Variants in GCNT2 observed in about 807,000 individuals in gnomAD.
The protein encoded by GCNT2 is N-acetyllactosaminide beta-1,6-N-acetylglucosaminyl-transferase.
In GCNT2, 34 loss-of-function variants were observed where a neutral mutation model predicts 34.2. The observed-to-expected ratio is 1.00, with a 90% CI of 0.76 to 1.32. The LOEUF (loss-of-function observed/expected upper bound fraction) is 1.32. Among genes scored for constraint, GCNT2 ranks in the 40% most tolerant of loss-of-function variants. The pLI is 0.00. For missense variants in GCNT2, 584 were observed against 489.4 expected, an observed-to-expected ratio of 1.19 and a Z score of -1.82; for synonymous variants, 212 against 188.0, an observed-to-expected ratio of 1.13 and a Z score of -1.04.
At chr6:10,555,276 A>C (rs959938959) in intron 3 of GCNT2, among the ~76,000 whole-genome samples, 2 of 152,206 alleles carry the variant, frequency 1.3e-5, no homozygotes, top group Admixed American at 1.3e-4. Context: ...TTCATTAAAA[A>C]TTAGTTGGTG....
rs1346507046 is a variant in GCNT2 at position 10,561,010 on chromosome 6, G to T, written c.925+31174G>T. 2.0e-5 allele frequency among the ~76,000 whole-genome samples: 3 copies of T among 152,182 alleles called. No individual in the cohort carries two copies. The East Asian group carries it at 5.8e-4, about 29-fold the overall frequency. ...AGGACCACAGATTTCTCTGACCCAC[G>T]TTACAGAGCATCAGGCTGTGACAGC... On this transcript the variant is annotated intron_variant, in intron 3 of 4. Coordinates refer to ENST00000495262, the MANE Select transcript of GCNT2 (RefSeq NM_145649.5).
At chr6:10,556,916 C>G (rs1762740433) in intron 3 of GCNT2, 6 of 1,614,162 alleles carry the variant, frequency 3.7e-6, no homozygotes, top group Non-Finnish European at 5.1e-6. Flanking sequence ...GATCTCCAGG[C>G]TCCAGGCTGA....
chr6:10,623,044 C>A (rs1165624140), intron 4 of GCNT2, among the ~76,000 whole-genome samples: 2 of 151,944 alleles, frequency 1.3e-5, no homozygotes, highest in African/African-American at 4.8e-5. Flanking sequence ...TGAGCTACTG[C>A]GCCCGGCCCC....
intron 3 of GCNT2, among the ~76,000 whole-genome samples, chr6:10,566,139 C>T (rs1763273553): frequency 1.3e-5 from 2 of 152,126 alleles, no homozygotes; most frequent in South Asian, 4.2e-4. Flanking sequence ...CCGGGAGGCT[C>T]CCGGATGCTC....
At chr6:10,617,750 CTTTTTT>C (rs3064178) in intron 3 of GCNT2, among the ~76,000 whole-genome samples, 9 of 101,688 alleles carry the variant, frequency 8.9e-5, no homozygotes, top group Non-Finnish European at 1.3e-4. Context: ...TGCATTTCTT[CTTTTTT>C]TTTTTTTTTT....
At chr6:10,582,320 TAAATATAATATATACTATA>T (rs1561816387) in intron 3 of GCNT2, among the ~76,000 whole-genome samples, 12 of 107,298 alleles carry the variant, frequency 1.1e-4, no homozygotes, top group African/African-American at 4.1e-4. Context: ...ATAGTAATAT[TAAATATAATATATACTATA>T]TAATATATAG....
intron 3 of GCNT2, among the ~76,000 whole-genome samples, chr6:10,610,960 G>A (rs1415192274): frequency 1.3e-5 from 2 of 152,136 alleles, no homozygotes; most frequent in African/African-American, 4.8e-5. Flanking sequence ...GAGTGAATTT[G>A]TTGGCAGTTA....
chr6:10,599,628 C>A (rs1765015389), intron 3 of GCNT2, among the ~76,000 whole-genome samples: 1 of 152,102 alleles, frequency 6.6e-6, no homozygotes, highest in Non-Finnish European at 1.5e-5. Flanking sequence ...CGGTAGCTTC[C>A]CCTCTCTCCA....
intron 3 of GCNT2, among the ~76,000 whole-genome samples, chr6:10,551,943 A>C (rs1464251503): frequency 6.8e-6 from 1 of 148,112 alleles, no homozygotes; most frequent in Non-Finnish European, 1.5e-5. Flanking sequence ...TTTTTAGTAG[A>C]GATGGGGGTT....
At chr6:10,612,773 T>C (rs1423903028) in intron 3 of GCNT2, among the ~76,000 whole-genome samples, 2 of 152,216 alleles carry the variant, frequency 1.3e-5, no homozygotes, top group Non-Finnish European at 2.9e-5. Context: ...GCAATGCTTG[T>C]CTCTCCGACT....
At chr6:10,614,411 G>A (rs1765677638) in intron 3 of GCNT2, among the ~76,000 whole-genome samples, 1 of 152,122 alleles carries the variant, frequency 6.6e-6, no homozygotes, top group South Asian at 2.1e-4. Context: ...TGGAGCACTT[G>A]AGTTCAGCTC....
chr6:10,541,374 T>C (rs545392280), intron 3 of GCNT2, among the ~76,000 whole-genome samples: 1 of 152,356 alleles, frequency 6.6e-6, no homozygotes, highest in Admixed American at 6.5e-5. Context: ...TAATATTCTA[T>C]GGCGTATATA....
chr6:10,530,784 G>A (rs906415557), intron 3 of GCNT2, among the ~76,000 whole-genome samples: 2 of 152,088 alleles, frequency 1.3e-5, no homozygotes, highest in African/African-American at 2.4e-5. Flanking sequence ...GCTGAGCGCA[G>A]TGGCTCACAC....
chr6:10,541,974 G>C (rs1172709680), intron 3 of GCNT2, among the ~76,000 whole-genome samples: 1 of 152,114 alleles, frequency 6.6e-6, no homozygotes, highest in South Asian at 2.1e-4. Flanking sequence ...ATCTTGGAGG[G>C]TAGGGAGCTT....
At position 10,528,960 on chromosome 6, in the gene GCNT2, G is replaced by A; in HGVS notation, c.49G>A (p.Ala17Thr). The change falls in exon 3 of 5, where the codon GCC (alanine) becomes ACC (threonine). Residue 17 changes from alanine to threonine, a missense_variant. By Grantham distance (58) the Ala-to-Thr change is moderately conservative. Coordinates refer to ENST00000495262, the MANE Select transcript of GCNT2 (RefSeq NM_145649.5). ...HCLFSASLIS[A>T]LIFVFVYNTE... ...TCTTTTTAGCGCGTCTCTTATCTCT[G>A]CCCTGATTTTTGTATTTGTTTACAA... The A allele has an allele frequency of 6.2e-7, 1 of 1,613,978 alleles. No individual in the cohort carries two copies. Among genetic ancestry groups the A allele is most frequent in the Non-Finnish European group, 8.5e-7 (1 of 1,179,904 alleles).
At chr6:10,556,396 C>A in intron 3 of GCNT2, 1 of 1,613,116 alleles carries the variant, frequency 6.2e-7, no homozygotes, top group African/African-American at 1.3e-5. Context: ...TTTTGACGGT[C>A]TCTTGACATT....
chr6:10,588,647 A>G (rs759891003), intron 3 of GCNT2, among the ~76,000 whole-genome samples: 2 of 152,204 alleles, frequency 1.3e-5, no homozygotes, highest in African/African-American at 2.4e-5. Flanking sequence ...TTTGGAAAAA[A>G]TGAGGAGGGC....
chr6:10,589,327 G>A (rs1454588656), intron 3 of GCNT2, among the ~76,000 whole-genome samples: 1 of 121,362 alleles, frequency 8.2e-6, no homozygotes, highest in Non-Finnish European at 2.0e-5. Flanking sequence ...AGTGTGGTGT[G>A]TTTGTAGTGT....
At chr6:10,589,244 TGTG>T (rs1282381200) in intron 3 of GCNT2, among the ~76,000 whole-genome samples, 2 of 149,448 alleles carry the variant, frequency 1.3e-5, no homozygotes, top group Admixed American at 1.3e-4. Context: ...CTGGTGTGTG[TGTG>T]GTGTGTATGT....
Sources: allele counts gnomAD v4.1 joint callset (sites outside exome capture counted in the v4.1 genomes callset), GRCh38; gene constraint gnomAD v4.1.1; transcripts MANE v1.5; gene names NCBI Gene and HGNC (gene_info 2026-07-23, HGNC 2026-07-21).